The following C17orf99 variants were observed in gnomAD, a reference collection of about 807,000 sequenced individuals.
C17orf99 encodes protein IL-40.
Under a neutral mutation model 22.6 loss-of-function variants are expected in C17orf99, and 18 were observed. That is an observed-to-expected ratio of 0.80 (90% CI 0.55 to 1.18). The LOEUF (loss-of-function observed/expected upper bound fraction) is 1.18. Ranked by LOEUF, C17orf99 falls within the 50% of genes most tolerant of loss-of-function variation. The pLI, the probability that C17orf99 is intolerant of heterozygous loss-of-function variation, is 0.00. For missense variants in C17orf99, 328 were observed against 342.7 expected, an observed-to-expected ratio of 0.96 and a Z score of 0.34; for synonymous variants, 147 against 136.6, an observed-to-expected ratio of 1.08 and a Z score of -0.53.
At chr17:78,160,718 G>A (rs2075567770) in intron 2 of C17orf99, 1 of 531,104 alleles carries the variant, frequency 1.9e-6, no homozygotes, top group Non-Finnish European at 3.4e-6. Flanking sequence ...CGAGTAGCAG[G>A]GATTACAGGT....
chr17:78,145,642 A>G (rs951512105), upstream of C17orf99, among the ~76,000 whole-genome samples: 1 of 152,116 alleles, frequency 6.6e-6, no homozygotes, highest in African/African-American at 2.4e-5. Flanking sequence ...GCAGGTCCCC[A>G]GCTGCTTGGA....
intron 2 of C17orf99, among the ~76,000 whole-genome samples, chr17:78,148,809 G>A (rs1216352367): frequency 6.6e-6 from 1 of 152,196 alleles, no homozygotes; most frequent in Non-Finnish European, 1.5e-5. Context: ...AGCCATAGGA[G>A]GTTTGGAGGG....
At chr17:78,153,787 A>G (rs2075503974) in intron 2 of C17orf99, among the ~76,000 whole-genome samples, 1 of 152,142 alleles carries the variant, frequency 6.6e-6, no homozygotes, top group African/African-American at 2.4e-5. Flanking sequence ...CAAATTGACT[A>G]AAGAATCAGC....
At chr17:78,161,838 A>G (rs2075579529) in intron 3 of C17orf99, among the ~76,000 whole-genome samples, 1 of 145,448 alleles carries the variant, frequency 6.9e-6, no homozygotes, top group African/African-American at 2.6e-5. Flanking sequence ...AGCGTCTCCA[A>G]AAAAAAAAAA....
chr17:78,146,994 C>T lies in C17orf99; in HGVS notation c.70+83C>T. 2 of 1,251,674 alleles carry T rather than the reference C, an allele frequency of 1.6e-6. No homozygotes were observed. Among genetic ancestry groups the T allele is most frequent in the South Asian group, 1.3e-5 (1 of 77,854 alleles). The allele number at this position is 1,251,674 out of a possible 1,614,324, so 77.5% of individuals were successfully genotyped here. A position where few individuals can be genotyped will look rare whatever the true frequency, so the allele number is the denominator to read the frequency against. ...ACCCCCATGGTGGAGGGCGCCTCGG[C>T]TGGGAAGGGAGTTACTAGTGGGGAG... On this transcript the variant is annotated intron_variant, in intron 2 of 4. Transcript: ENST00000340363. The surrounding 1 kb of genome is among the most constrained non-coding windows in gnomAD (Gnocchi z 5.2).
intron 2 of C17orf99, among the ~76,000 whole-genome samples, chr17:78,152,797 G>A (rs2075495495): frequency 6.6e-6 from 1 of 151,770 alleles, no homozygotes; most frequent in South Asian, 2.1e-4. Context: ...TGAATTAAAT[G>A]ATAGGCCAGG....
At chr17:78,160,155 C>T (rs1204105173) in intron 2 of C17orf99, 21 of 455,094 alleles carry the variant, frequency 4.6e-5, no homozygotes, top group Non-Finnish European at 8.4e-5. Context: ...TATTTTCTTT[C>T]TTTCTTTTTT....
chr17:78,146,545 G>C lies in C17orf99; in HGVS notation c.37+101G>C. On this transcript the variant is annotated intron_variant, in intron 1 of 4. Coordinates refer to ENST00000340363, the MANE Select transcript of C17orf99 (RefSeq NM_001163075.2). This position sits in a 1 kb window ranked among gnomAD's most constrained non-coding sequence, Gnocchi z 5.2. ...AGCACAGGAGAGATGAGGCCTGAAG[G>C]AAGGGCACCTCTGGAAACATGGACA... 1.9e-6 allele frequency: 2 copies of C among 1,061,844 alleles called. No homozygotes were observed. The highest frequency in any genetic ancestry group is 2.8e-6 in the Non-Finnish European group (2 of 713,006). The allele number at this position is 1,061,844 out of a possible 1,614,324, so 65.8% of individuals were successfully genotyped here.
At chr17:78,157,926 C>A in intron 2 of C17orf99, 1 of 1,138,210 alleles carries the variant, frequency 8.8e-7, no homozygotes, top group Non-Finnish European at 1.3e-6. Flanking sequence ...CTGGTTGGTA[C>A]TGACATCTTT....
At chr17:78,157,383 G>T in intron 2 of C17orf99, 1 of 1,159,086 alleles carries the variant, frequency 8.6e-7, no homozygotes, top group African/African-American at 1.6e-5. Flanking sequence ...GGACAGGGTT[G>T]AGTCAGTGAG....
In C17orf99 at chr17:78,165,843, C is replaced by T. The variant is rs370940735; in HGVS notation, c.641-46C>T. ...TCTCAGACGCCTCGGGAGGGGATGG[C>T]TGGGAGGTGAGCCTGCCTGACTTGA... On this transcript the variant is annotated intron_variant, in intron 4 of 4. Transcript: ENST00000340363. The T allele has an allele frequency of 3.7e-5, 47 of 1,283,190 alleles. No homozygotes were observed. In the African/African-American group the frequency reaches 6.4e-4, roughly 17 times the overall value. 79.5% of individuals were successfully genotyped at this position (1,283,190 alleles called of 1,614,324 possible).
In C17orf99 at chr17:78,151,091, G is replaced by A. The variant is rs189359168; in HGVS notation, c.70+4180G>A. ...TGAGCCTGGATGGCACCACTGCACTGCAGCCTGGGCGACAGAGTGAGACTC... is the reference window on the plus strand; with the variant it reads ...TGAGCCTGGATGGCACCACTGCACTACAGCCTGGGCGACAGAGTGAGACTC... On this transcript the variant is annotated intron_variant, in intron 2 of 4. Coordinates refer to ENST00000340363, the MANE Select transcript of C17orf99 (RefSeq NM_001163075.2). Among the ~76,000 whole-genome samples the A allele has an allele frequency of 6.0e-5, 9 of 150,108 alleles. No homozygotes were observed. The East Asian group carries it at 1.8e-3, about 30-fold the overall frequency.
intron 2 of C17orf99, among the ~76,000 whole-genome samples, chr17:78,154,263 G>A (rs1272405586): frequency 1.3e-5 from 2 of 151,922 alleles, no homozygotes; most frequent in Non-Finnish European, 2.9e-5. Context: ...AAAAAGGAGA[G>A]TCTGGCTGGG....
intron 2 of C17orf99, among the ~76,000 whole-genome samples, chr17:78,149,956 A>T (rs1442251836): frequency 6.6e-6 from 1 of 150,762 alleles, no homozygotes; most frequent in Non-Finnish European, 1.5e-5. Flanking sequence ...TGATCTGCCC[A>T]CCTTGGCCTC....
rs900090992 is a variant in C17orf99, at chr17:78,166,237, A to G, written c.*191A>G. On this transcript the variant is annotated 3_prime_UTR_variant, in exon 5 of 5. Coordinates refer to ENST00000340363, the MANE Select transcript of C17orf99 (RefSeq NM_001163075.2). Reference sequence around the variant, plus strand: ...GCTTCGCTATAGGAACCTTTGTGCTATCTATATTATCTATATGAATCCCAT... The same window carrying G: ...GCTTCGCTATAGGAACCTTTGTGCTGTCTATATTATCTATATGAATCCCAT... 5.3e-6 allele frequency: 2 copies of G among 379,200 alleles called. No individual in the cohort carries two copies. The highest frequency in any genetic ancestry group is 4.2e-5 in the African/African-American group (2 of 47,834). 23.5% of individuals were successfully genotyped at this position (379,200 alleles called of 1,614,324 possible).
At chr17:78,160,065 T>C (rs1398293775) in intron 2 of C17orf99, 1 of 456,158 alleles carries the variant, frequency 2.2e-6, no homozygotes, top group Non-Finnish European at 4.4e-6. Context: ...CTGTTTTCTA[T>C]TATTTGGTGT....
intron 3 of C17orf99, among the ~76,000 whole-genome samples, 155 bp downstream of exon 3, chr17:78,161,409 C>T (rs1256571310): frequency 6.6e-6 from 1 of 152,206 alleles, no homozygotes; most frequent in Non-Finnish European, 1.5e-5. Flanking sequence ...AGGCCATTCT[C>T]AGTCCCTTGG....
upstream of C17orf99, among the ~76,000 whole-genome samples, chr17:78,146,075 A>C (rs1311722001): frequency 6.6e-6 from 1 of 152,162 alleles, no homozygotes; most frequent in Non-Finnish European, 1.5e-5. The surrounding 1 kb of genome is among the most constrained non-coding windows in gnomAD (Gnocchi z 5.2). Flanking sequence ...GGTGTGAGCC[A>C]CTGTGCCCCG....
intron 2 of C17orf99, among the ~76,000 whole-genome samples, chr17:78,147,366 G>A (rs567284126): frequency 6.6e-6 from 1 of 152,286 alleles, no homozygotes; most frequent in South Asian, 2.1e-4. Flanking sequence ...GTGAGAGGAT[G>A]GTGAAGTTAA....
Sources: allele counts gnomAD v4.1 joint callset (sites outside exome capture counted in the v4.1 genomes callset), GRCh38; gene constraint gnomAD v4.1.1; non-coding constraint Gnocchi (gnomAD v3.1); transcripts MANE v1.5; gene names NCBI Gene and HGNC (gene_info 2026-07-23, HGNC 2026-07-21).